The following SLC24A2 variants were observed in gnomAD, a reference collection of about 807,000 sequenced individuals.
SLC24A2 encodes solute carrier family 24 member 2.
A neutral mutation model predicts 62.0 loss-of-function variants in SLC24A2; 36 were observed. The observed-to-expected ratio is 0.58, with a 90% CI of 0.44 to 0.77. The LOEUF (loss-of-function observed/expected upper bound fraction) is 0.77. SLC24A2 is among the 30% of genes least tolerant of loss of function. The pLI, the probability that SLC24A2 is intolerant of heterozygous loss-of-function variation, is 0.00. For missense variants in SLC24A2, 846 were observed against 817.9 expected (o/e 1.03, Z -0.42); for synonymous variants, 358 against 294.0 (o/e 1.22, Z -2.23).
intron 2 of SLC24A2, among the ~76,000 whole-genome samples, chr9:19,759,228 T>C (rs1822238628): frequency 6.6e-6 from 1 of 152,192 alleles, no homozygotes; most frequent in African/African-American, 2.4e-5. Context: ...TGGCATAACC[T>C]AAATACCAGA....
intron 2 of SLC24A2, among the ~76,000 whole-genome samples, chr9:19,773,818 C>G (rs1388158249): frequency 6.6e-6 from 1 of 152,186 alleles, no homozygotes; most frequent in Non-Finnish European, 1.5e-5. Context: ...TGATGATACA[C>G]ACAAGAGTGA....
the SLC24A2 span, among the ~76,000 whole-genome samples, chr9:20,212,590 G>T: frequency 6.6e-6 from 1 of 151,630 alleles, no homozygotes; most frequent in Non-Finnish European, 1.5e-5. Flanking sequence ...TATAGAATTG[G>T]TAAATAAACC....
chr9:20,269,906 G>C, the SLC24A2 span, among the ~76,000 whole-genome samples: 1 of 152,160 alleles, frequency 6.6e-6, no homozygotes, highest in Non-Finnish European at 1.5e-5. Flanking sequence ...TGAGTAATTT[G>C]TGAGAAAAGA....
the SLC24A2 span, among the ~76,000 whole-genome samples, chr9:20,141,862 C>T: frequency 6.6e-6 from 1 of 152,194 alleles, no homozygotes; most frequent in Non-Finnish European, 1.5e-5. Context: ...GCAGGTGAAT[C>T]ACTTGAGCTC....
intron 7 of SLC24A2, among the ~76,000 whole-genome samples, chr9:19,567,822 A>C (rs1835718868): frequency 6.6e-6 from 1 of 152,220 alleles, no homozygotes; most frequent in Non-Finnish European, 1.5e-5. Context: ...AGCCATTTAA[A>C]AAGTCATATT....
chr9:20,048,516 C>T, the SLC24A2 span, among the ~76,000 whole-genome samples: 2 of 152,132 alleles, frequency 1.3e-5, no homozygotes, highest in Non-Finnish European at 2.9e-5. Context: ...AGAAAAACTG[C>T]TTCATGTTTT....
the SLC24A2 span, among the ~76,000 whole-genome samples, chr9:19,997,242 G>A: frequency 6.6e-6 from 1 of 152,132 alleles, no homozygotes; most frequent in Non-Finnish European, 1.5e-5. Context: ...CAGACTAGGT[G>A]TGAGTTTAGG....
At chr9:19,605,601 G>A (rs932363378) in intron 4 of SLC24A2, among the ~76,000 whole-genome samples, 1 of 152,120 alleles carries the variant, frequency 6.6e-6, no homozygotes, top group African/African-American at 2.4e-5. Flanking sequence ...TCTTTTTCAG[G>A]AAAGAAAATA....
intron 2 of SLC24A2, among the ~76,000 whole-genome samples, chr9:19,664,309 T>C (rs1819186765): frequency 1.3e-5 from 2 of 152,204 alleles, no homozygotes; most frequent in Non-Finnish European, 2.9e-5. Flanking sequence ...TTGGTGCATT[T>C]AGAATAGAAG....
At chr9:20,005,642 G>C in the SLC24A2 span, among the ~76,000 whole-genome samples, 2 of 151,918 alleles carry the variant, frequency 1.3e-5, no homozygotes, top group Non-Finnish European at 2.9e-5. Flanking sequence ...AGGTGGGGTG[G>C]GGTGGGACAG....
intron 8 of SLC24A2, among the ~76,000 whole-genome samples, chr9:19,545,977 G>A (rs557313947): frequency 2.6e-5 from 4 of 152,338 alleles, no homozygotes; most frequent in African/African-American, 7.2e-5. Flanking sequence ...CAGGTCTGTT[G>A]GAGTTTGCTG....
chr9:20,277,665 G>A, the SLC24A2 span, among the ~76,000 whole-genome samples: 2 of 152,168 alleles, frequency 1.3e-5, no homozygotes, highest in African/African-American at 4.8e-5. Context: ...CAGCCATTTT[G>A]GAAGACAGTG....
At chr9:19,566,394 A>T (rs1356393369) in intron 7 of SLC24A2, among the ~76,000 whole-genome samples, 2 of 147,946 alleles carry the variant, frequency 1.4e-5, no homozygotes, top group African/African-American at 5.0e-5. Context: ...GAGAAATGCA[A>T]ATCAAAACCA....
At chr9:19,870,784 A>T in the SLC24A2 span, among the ~76,000 whole-genome samples, 1 of 152,064 alleles carries the variant, frequency 6.6e-6, no homozygotes, top group African/African-American at 2.4e-5. Context: ...TCCTGTATTT[A>T]TTGGCCATTT....
At chr9:20,125,261 C>T in the SLC24A2 span, among the ~76,000 whole-genome samples, 16,542 of 151,994 alleles carry the variant, frequency 0.11, 952 homozygotes, top group Middle Eastern at 0.17. Flanking sequence ...TTTAGAACTC[C>T]TATTATGACC....
At chr9:20,271,279 A>G in the SLC24A2 span, among the ~76,000 whole-genome samples, 43,420 of 151,982 alleles carry the variant, frequency 0.29, 6,441 homozygotes, top group South Asian at 0.39. Flanking sequence ...TAATTTACAG[A>G]TCCCTTCAAT....
chr9:20,033,173 A>G, the SLC24A2 span, among the ~76,000 whole-genome samples: 2 of 152,210 alleles, frequency 1.3e-5, no homozygotes, highest in East Asian at 3.8e-4. Flanking sequence ...TTTCTAGGTT[A>G]AAAATCCCTC....
the SLC24A2 span, among the ~76,000 whole-genome samples, chr9:20,042,395 T>C: frequency 1.3e-5 from 2 of 152,182 alleles, no homozygotes; most frequent in Non-Finnish European, 2.9e-5. Flanking sequence ...ATCTGAGCCT[T>C]CTGGAAGAAA....
the SLC24A2 span, among the ~76,000 whole-genome samples, chr9:20,263,118 C>A: frequency 2.0e-5 from 3 of 152,194 alleles, no homozygotes; most frequent in Non-Finnish European, 4.4e-5. Flanking sequence ...CAATACCTAA[C>A]CCATTTCAAA....
Sources: allele counts gnomAD v4.1 joint callset (sites outside exome capture counted in the v4.1 genomes callset), GRCh38; gene constraint gnomAD v4.1.1; transcripts MANE v1.5; gene names NCBI Gene and HGNC (gene_info 2026-07-23, HGNC 2026-07-21).